Variants in SMURF1 observed in about 807,000 individuals in gnomAD.
SMURF1 encodes E3 ubiquitin-protein ligase SMURF1.
SMURF1 carries 44 observed loss-of-function variants against 98.0 expected under a neutral mutation model. That is an observed-to-expected ratio of 0.45 (90% CI 0.35 to 0.58). SMURF1 has a LOEUF of 0.58. Ranked by LOEUF, SMURF1 falls within the 20% of genes least tolerant of loss-of-function variation. The probability of loss-of-function intolerance (pLI) is 0.00; values close to 1 mark genes in which losing one functional copy is unlikely to be tolerated. For synonymous variants in SMURF1, 396 were observed against 374.9 expected (o/e 1.06, Z -0.65); for missense variants, 687 against 938.4 (o/e 0.73, Z 3.50).
At chr7:99,080,332 T>C (rs1796552912) in intron 1 of SMURF1, among the ~76,000 whole-genome samples, 1 of 152,242 alleles carries the variant, frequency 6.6e-6, no homozygotes, top group Non-Finnish European at 1.5e-5. Flanking sequence ...GGAGTTTCGC[T>C]CTTGTTGCGG....
intron 5 of SMURF1, among the ~76,000 whole-genome samples, chr7:99,055,810 CA>C (rs1359927526): frequency 6.6e-6 from 1 of 152,060 alleles, no homozygotes; most frequent in Non-Finnish European, 1.5e-5. Context: ...ACTACAAATA[CA>C]AAAAATTACC....
At chr7:99,122,319 C>G (rs1363300663) in intron 1 of SMURF1, among the ~76,000 whole-genome samples, 3 of 135,644 alleles carry the variant, frequency 2.2e-5, no homozygotes, top group Admixed American at 1.6e-4. Flanking sequence ...TAGAGTGAGA[C>G]TCTGTCTCAA....
intron 1 of SMURF1, among the ~76,000 whole-genome samples, chr7:99,088,218 A>G (rs1207436853): frequency 6.6e-6 from 1 of 151,756 alleles, no homozygotes. Flanking sequence ...AGATCGTGCC[A>G]CTGCACTGCA....
chr7:99,051,385 T>A lies in SMURF1; in HGVS notation c.778A>T (p.Ser260Cys). ...VYFLHTQTGV[S>C]TWHDPRIPRD... ...GGTATCCTGGGGTCGTGCCACGTGCTAACTCCAGTCTGTGTATGCAAAAAG... is the reference window on the plus strand; with the variant it reads ...GGTATCCTGGGGTCGTGCCACGTGCAAACTCCAGTCTGTGTATGCAAAAAG... The change falls in exon 8 of 18, where the codon AGC becomes TGC. Residue 260 changes from serine (S) to cysteine (C), a missense_variant. Ser to Cys is a moderately radical substitution (Grantham distance 112, BLOSUM62 -1). Around this residue, in one of 2 missense-constraint regions of SMURF1, gnomAD observed 415 missense variants for 508.4 expected, o/e 0.82. Transcript: ENST00000361368. The A allele has an allele frequency of 6.2e-7, 1 of 1,614,204 alleles. No homozygotes were observed.
intron 1 of SMURF1, among the ~76,000 whole-genome samples, chr7:99,131,544 G>A (rs1797872044): frequency 6.6e-6 from 1 of 152,092 alleles, no homozygotes; most frequent in Non-Finnish European, 1.5e-5. Flanking sequence ...AGGAGTTCTG[G>A]ACAAGCCTGG....
chr7:99,038,263 G>A, intron 14 of SMURF1, 125 bp downstream of exon 14: 1 of 1,184,276 alleles, frequency 8.4e-7, no homozygotes, highest in Non-Finnish European at 1.2e-6. Flanking sequence ...CTCTGTTCAT[G>A]TGATCTGATC....
At chr7:99,079,749 G>GAA (rs1415463516) in intron 1 of SMURF1, among the ~76,000 whole-genome samples, 1 of 152,038 alleles carries the variant, frequency 6.6e-6, no homozygotes, top group East Asian at 1.9e-4. Context: ...GGATTAAAGA[G>GAA]AAAGTCAAAG....
intron 1 of SMURF1, among the ~76,000 whole-genome samples, chr7:99,139,626 A>G (rs1427577114): frequency 6.6e-6 from 1 of 152,188 alleles, no homozygotes; most frequent in African/African-American, 2.4e-5. Context: ...TTCAATCAAA[A>G]TGTTTCTAAA....
chr7:99,095,306 C>T (rs1584173249), intron 1 of SMURF1, among the ~76,000 whole-genome samples: 2 of 152,144 alleles, frequency 1.3e-5, no homozygotes, highest in African/African-American at 4.8e-5. Flanking sequence ...TCTTGAACTG[C>T]TGACCTCAGG....
chr7:99,131,974 C>T (rs1797880864), intron 1 of SMURF1, among the ~76,000 whole-genome samples: 1 of 152,144 alleles, frequency 6.6e-6, no homozygotes, highest in African/African-American at 2.4e-5. Flanking sequence ...AATGATGTCT[C>T]TCCAGCCCAA....
chr7:99,049,685 A>T lies in SMURF1; in HGVS notation c.831T>A (p.Asp277Glu), dbSNP rs780395724. ...IPRDLNSVNC[D>E]ELGPLPPGWE... is the part of the protein sequence containing the mutation. ...AGCCTGGCGGCAGTGGTCCAAGTTC[A>T]TCACAGTTCACACTGTTAAGGTCTC... Residue 277 changes from aspartate (D) to glutamate (E), a missense_variant, in exon 9 of 18, where the codon GAT becomes GAA. Transcript: ENST00000361368. 1 of 1,614,030 alleles carries T rather than the reference A, an allele frequency of 6.2e-7. No homozygotes were observed. The highest frequency in any genetic ancestry group is 1.3e-5 in the African/African-American group (1 of 74,934).
intron 1 of SMURF1, among the ~76,000 whole-genome samples, chr7:99,142,985 C>G (rs1798165264): frequency 6.8e-6 from 1 of 146,256 alleles, no homozygotes; most frequent in Non-Finnish European, 1.5e-5. Flanking sequence ...GGGGGCGGGA[C>G]CAGGAAGAAG....
rs765238055 is a variant in SMURF1, at chr7:99,052,358, C to T, written c.568G>A (p.Ala190Thr). 1.2e-6 allele frequency: 2 copies of T among 1,612,598 alleles called. No homozygotes were observed. Among genetic ancestry groups the T allele is most frequent in the East Asian group, 2.2e-5 (1 of 44,862 alleles). ...APYTDSTGAA[A>T]GGGNCRFVES... Reference sequence around the variant, plus strand: ...ACGAACCTGCAATTCCCTCCTCCAGCAGCAGCACCGGTGCTATCTGTGTAA... The same window carrying T: ...ACGAACCTGCAATTCCCTCCTCCAGTAGCAGCACCGGTGCTATCTGTGTAA... Residue 190 changes from alanine to threonine, a missense_variant, in exon 7 of 18, where the codon GCT (alanine) becomes ACT (threonine). This residue lies in a region of SMURF1 where 415 missense variants were observed against 508.4 expected (regional missense o/e 0.82). Coordinates refer to ENST00000361368, the MANE Select transcript of SMURF1 (RefSeq NM_181349.3).
intron 1 of SMURF1, among the ~76,000 whole-genome samples, chr7:99,100,965 G>T (rs1012980659): frequency 6.6e-6 from 1 of 152,138 alleles, no homozygotes; most frequent in African/African-American, 2.4e-5. Flanking sequence ...ACATAATGAA[G>T]TGATTTTGAG....
intron 1 of SMURF1, among the ~76,000 whole-genome samples, chr7:99,137,686 C>T (rs747872598): frequency 3.9e-5 from 6 of 152,212 alleles, no homozygotes; most frequent in Non-Finnish European, 8.8e-5. Flanking sequence ...AATTAGAATT[C>T]CTTTCAGCTG....
At chr7:99,124,652 G>GA (rs912034555) in intron 1 of SMURF1, among the ~76,000 whole-genome samples, 62 of 142,622 alleles carry the variant, frequency 4.3e-4, no homozygotes, top group Middle Eastern at 3.6e-3. Context: ...TGTCAAAAAG[G>GA]AAAAAAAAAA....
intron 1 of SMURF1, among the ~76,000 whole-genome samples, chr7:99,141,102 G>T (rs1282511711): frequency 1.3e-5 from 2 of 152,172 alleles, no homozygotes; most frequent in African/African-American, 4.8e-5. Context: ...AAGGGAAAGG[G>T]AAAGGGAAAA....
chr7:99,049,621 C>G lies in SMURF1; in HGVS notation c.895G>C (p.Val299Leu). 1 of 1,614,146 alleles carries G rather than the reference C, an allele frequency of 6.2e-7. No individual in the cohort carries two copies. ...TGGGTTGTTCGGTTATTATGATCTACAAAATATATCCTCCCAGAAACTGTA... is the reference window on the plus strand; with the variant it reads ...TGGGTTGTTCGGTTATTATGATCTAGAAAATATATCCTCCCAGAAACTGTA... ...RSTVSGRIYF[V>L]DHNNRTTQFT... Residue 299 changes from valine (V) to leucine (L), a missense_variant, in exon 9 of 18, where the codon GTA becomes CTA. Around this residue, in one of 2 missense-constraint regions of SMURF1, gnomAD observed 415 missense variants for 508.4 expected, o/e 0.82. Coordinates refer to ENST00000361368, the MANE Select transcript of SMURF1 (RefSeq NM_181349.3).
intron 1 of SMURF1, among the ~76,000 whole-genome samples, chr7:99,140,985 G>A (rs1430145088): frequency 6.6e-6 from 1 of 152,116 alleles, no homozygotes; most frequent in Admixed American, 6.6e-5. Flanking sequence ...GTAAACTAAG[G>A]TTCCACGTAC....
Sources: gnomAD v4.1 joint callset for allele counts (sites outside exome capture counted in the v4.1 genomes callset) on GRCh38, gnomAD v4.1.1 for gene constraint, gnomAD v4.1.1 regional missense constraint, MANE v1.5 for transcripts, NCBI Gene and HGNC (gene_info 2026-07-23, HGNC 2026-07-21) for gene names.